Variants in PIGZ observed in about 807,000 individuals in gnomAD.
PIGZ encodes GPI alpha-1,2-mannosyltransferase 4.
Under a neutral mutation model 16.4 loss-of-function variants are expected in PIGZ, and 16 were observed. The observed-to-expected ratio is 0.97, with a 90% confidence interval of 0.66 to 1.48. The LOEUF is 1.48. Among genes scored for constraint, PIGZ ranks in the 40% most tolerant of loss-of-function variants. PIGZ has a pLI of 0.00. For missense variants in PIGZ, 770 were observed against 739.2 expected, an observed-to-expected ratio of 1.04 and a Z score of -0.48; for synonymous variants, 409 against 338.4, an observed-to-expected ratio of 1.21 and a Z score of -2.29.
chr3:196,954,802 T>TA, intron 1 of PIGZ, among the ~76,000 whole-genome samples: 1 of 152,266 alleles, frequency 6.6e-6, no homozygotes. Context: ...GTTGAAGGAT[T>TA]TAATTTTTAA....
At chr3:196,952,679 G>A (rs909675266) in intron 1 of PIGZ, among the ~76,000 whole-genome samples, 8 of 152,162 alleles carry the variant, frequency 5.3e-5, no homozygotes, top group African/African-American at 1.4e-4. Flanking sequence ...CTCATGATCC[G>A]CCCACTTTGG....
intron 2 of PIGZ, among the ~76,000 whole-genome samples, chr3:196,950,408 G>A (rs577061744): frequency 2.4e-4 from 36 of 152,342 alleles, no homozygotes; most frequent in Middle Eastern, 6.8e-3. Context: ...GGGTGGGGGC[G>A]CGGGAGCAGC....
rs1005066958 is a variant in PIGZ, at chr3:196,964,359, A to AT, written c.-1+4327dup. ...CCACCGTGCCCGGCCTAGCACTACC[A>AT]TTTTTTTTTAATTTTTTTGAGATGG... is the stretch of plus-strand genomic sequence containing the variant. On this transcript the variant is annotated intron_variant, in intron 1 of 2. Transcript: ENST00000412723. Among the ~76,000 whole-genome samples, 50 of 149,594 alleles carry AT rather than the reference A, an allele frequency of 3.3e-4. No individual in the cohort carries two copies. The East Asian group carries it at 5.5e-3, about 16-fold the overall frequency.
chr3:196,955,356 A>T (rs1717437356), intron 1 of PIGZ, among the ~76,000 whole-genome samples: 1 of 152,068 alleles, frequency 6.6e-6, no homozygotes, highest in African/African-American at 2.4e-5. Flanking sequence ...ATTTTAGTTC[A>T]TTTTTGAAGC....
At position 196,947,237 on chromosome 3, in the gene PIGZ, G is replaced by T. The variant is rs780819526; in HGVS notation, c.1660C>A (p.Pro554Thr). ...CCACTCAGCAAGGAGGACAGGGCTG[G>T]TGGATCCTCCAGGGTCAGATGGGGA... The part of the protein sequence containing the change: ...LFPHLTLEDP[P>T]ALSSLLSGAW... Residue 554 changes from proline (P) to threonine (T), a missense_variant, in exon 3 of 3, where the codon CCA (proline) becomes ACA (threonine). Transcript: ENST00000412723. 1 of 1,611,614 alleles carries T rather than the reference G, an allele frequency of 6.2e-7. No homozygotes were observed. Among genetic ancestry groups the T allele is most frequent in the South Asian group, 1.1e-5 (1 of 90,520 alleles).
At chr3:196,949,991 A>G (rs1276401006) in intron 2 of PIGZ, among the ~76,000 whole-genome samples, 4 of 146,636 alleles carry the variant, frequency 2.7e-5, no homozygotes, top group Non-Finnish European at 4.5e-5. Context: ...CAATACTTAA[A>G]TTTTTTTTTT....
chr3:196,958,901 G>A (rs753264067), intron 1 of PIGZ, among the ~76,000 whole-genome samples: 3 of 152,116 alleles, frequency 2.0e-5, no homozygotes, highest in Non-Finnish European at 4.4e-5. Flanking sequence ...TTTGGGGGAG[G>A]GGGGCAGGAA....
In PIGZ at chr3:196,951,924, C is replaced by T. The variant is rs769075451; in HGVS notation, c.108G>A (p.Val36=). The T allele has an allele frequency of 3.1e-6, 5 of 1,614,218 alleles. No homozygotes were observed. The highest frequency in any genetic ancestry group is 1.7e-5 in the Admixed American group (1 of 60,026). Residue 36 remains valine, a synonymous_variant, in exon 2 of 3, where the codon GTG becomes GTA. Coordinates refer to ENST00000412723, the MANE Select transcript of PIGZ (RefSeq NM_025163.4). ...GGAGCAGGCTGAGACCACCCCAAAGCACCCTGACTGCCATCTTCAGATCCA... is the reference window on the plus strand; with the variant it reads ...GGAGCAGGCTGAGACCACCCCAAAGTACCCTGACTGCCATCTTCAGATCCA... The part of the protein sequence containing the change: ...QQLDLKMAVR[V]LWGGLSLLRV...
At chr3:196,948,725 G>C (rs534856139) in intron 2 of PIGZ, 40 bp from the exon 3 acceptor site, 861 of 1,402,612 alleles carry the variant, frequency 6.1e-4, no homozygotes, top group Admixed American at 1.2e-3. Flanking sequence ...CCAAGCTCAG[G>C]GATGTAGTGG....
At chr3:196,966,899 C>T (rs1238172405) in intron 1 of PIGZ, among the ~76,000 whole-genome samples, 1 of 152,060 alleles carries the variant, frequency 6.6e-6, no homozygotes, top group Admixed American at 6.6e-5. Flanking sequence ...GGGGGTCGGT[C>T]GTCGGGAGGG....
intron 1 of PIGZ, among the ~76,000 whole-genome samples, chr3:196,957,505 C>G (rs1203491239): frequency 6.6e-6 from 1 of 151,904 alleles, no homozygotes; most frequent in Non-Finnish European, 1.5e-5. Flanking sequence ...GCCTCAGCCT[C>G]TTGAGTAGCT....
chr3:196,952,140 A>C, intron 1 of PIGZ, 109 bp from the exon 2 acceptor site: 2 of 1,039,756 alleles, frequency 1.9e-6, no homozygotes, highest in South Asian at 3.0e-5. Flanking sequence ...CAATAATAAT[A>C]ATAGCTACTT....
Position 196,966,061 on chromosome 3 carries a change from C to T in PIGZ, c.-1+2626G>A, listed in dbSNP as rs536779509. Reference sequence around the variant, plus strand: ...CCCTTCCCGCCTCCACTCCTGTGTTCGTGAGTAGAATTCGGTGCTCCAGAA... The same window carrying T: ...CCCTTCCCGCCTCCACTCCTGTGTTTGTGAGTAGAATTCGGTGCTCCAGAA... On this transcript the variant is annotated intron_variant, in intron 1 of 2. Transcript: ENST00000412723. Among the ~76,000 whole-genome samples, 10 of 152,298 alleles carry T rather than the reference C, an allele frequency of 6.6e-5. No individual in the cohort carries two copies. The South Asian group carries it at 1.0e-3, about 16-fold the overall frequency.
In PIGZ at chr3:196,947,507, G is replaced by C. The variant is rs1449917769; in HGVS notation, c.1390C>G (p.His464Asp). Residue 464 changes from histidine (H) to aspartate (D), a missense_variant, in exon 3 of 3, where the codon CAC becomes GAC. By Grantham distance (81) the His-to-Asp change is moderately conservative. Transcript: ENST00000412723. ...TPTHYTLLFT[H>D]TYMPPRHLLH... ...AGGTGCCGGGGGGGCATGTAGGTGTGAGTGAAGAGGAGTGTGTAGTGGGTG... is the reference window on the plus strand; with the variant it reads ...AGGTGCCGGGGGGGCATGTAGGTGTCAGTGAAGAGGAGTGTGTAGTGGGTG... 2.2e-5 allele frequency: 35 copies of C among 1,613,568 alleles called. No homozygotes were observed. The highest frequency in any genetic ancestry group is 2.9e-5 in the Non-Finnish European group (34 of 1,180,012).
At position 196,948,287 on chromosome 3, in the gene PIGZ, C is replaced by T; in HGVS notation, c.610G>A (p.Glu204Lys). 6.2e-7 allele frequency: 1 copy of T among 1,614,106 alleles called. No homozygotes were observed. Among genetic ancestry groups the T allele is most frequent in the South Asian group, 1.1e-5 (1 of 91,080 alleles). ...CGCCACCGTGGACCCGGCGCCGGCT[C>T]CTTGCGTGTAGGGCCCCACGTTACA... ...SHVTWGPTRK[E>K]PAPGPRWRSW... The change falls in exon 3 of 3, where the codon GAG (glutamate) becomes AAG (lysine). Residue 204 changes from glutamate (E) to lysine (K), a missense_variant. Glu to Lys is a moderately conservative substitution (Grantham distance 56). Coordinates refer to ENST00000412723, the MANE Select transcript of PIGZ (RefSeq NM_025163.4).
At chr3:196,948,711 A>G in intron 2 of PIGZ, 26 bp from the exon 3 acceptor site, 1 of 1,435,250 alleles carries the variant, frequency 7.0e-7, no homozygotes, top group Non-Finnish European at 9.1e-7. Flanking sequence ...GAGGTGAGCC[A>G]GTACCAAGCT....
chr3:196,947,059 G>T lies in PIGZ; in HGVS notation c.*98C>A. On this transcript the variant is annotated 3_prime_UTR_variant, in exon 3 of 3. Coordinates refer to ENST00000412723, the MANE Select transcript of PIGZ (RefSeq NM_025163.4). ...AGCAGTGGGAGTCATGAAGGAGGAC[G>T]GGGTCCTGTCCCAGCGTCCCAGCCC... is the stretch of plus-strand genomic sequence containing the variant. 9.2e-7 allele frequency: 1 copy of T among 1,090,604 alleles called. No individual in the cohort carries two copies. The highest frequency in any genetic ancestry group is 1.3e-6 in the Non-Finnish European group (1 of 765,326). The allele number at this position is 1,090,604 out of a possible 1,614,324, so 67.6% of individuals were successfully genotyped here.
At chr3:196,967,368 G>A (rs890500801) in intron 1 of PIGZ, among the ~76,000 whole-genome samples, 10 of 152,196 alleles carry the variant, frequency 6.6e-5, no homozygotes, top group Non-Finnish European at 1.5e-4. Context: ...TTCCAAGAAA[G>A]GTCCGTACCT....
intron 1 of PIGZ, among the ~76,000 whole-genome samples, chr3:196,961,833 C>G (rs1717733803): frequency 6.6e-6 from 1 of 152,086 alleles, no homozygotes. Flanking sequence ...GTGTACAATT[C>G]AATGGTTTTT....
Sources: gnomAD v4.1 joint callset for allele counts (sites outside exome capture counted in the v4.1 genomes callset) on GRCh38, gnomAD v4.1.1 for gene constraint, MANE v1.5 for transcripts, NCBI Gene and HGNC (gene_info 2026-07-23, HGNC 2026-07-21) for gene names.